STK33: variants seen among roughly 807,000 people sequenced by gnomAD.
STK33 encodes serine/threonine kinase 33.
A neutral mutation model predicts 58.0 loss-of-function variants in STK33; 52 were observed. The ratio of observed to expected loss-of-function variants is 0.90; its 90% CI spans 0.72 to 1.13. The LOEUF (loss-of-function observed/expected upper bound fraction) is 1.13. Ranked by LOEUF, STK33 falls within the 50% of genes most tolerant of loss-of-function variation. The pLI is 0.00. For synonymous variants in STK33, 215 were observed against 200.1 expected, an observed-to-expected ratio of 1.07 and a Z score of -0.63; for missense variants, 630 against 604.2, an observed-to-expected ratio of 1.04 and a Z score of -0.45.
chr11:8,567,331 G>A (rs1957520456), intron 1 of STK33: 1 of 151,962 alleles, frequency 6.6e-6, no homozygotes, highest in Non-Finnish European at 1.5e-5. Context: ...TACCACATGG[G>A]GTTATCATGA....
intron 1 of STK33, among the ~76,000 whole-genome samples, chr11:8,509,116 C>CAAAAAAAAAAAAACAAAAAAAAA (rs1952104771): frequency 2.2e-5 from 1 of 45,416 alleles, no homozygotes; most frequent in Non-Finnish European, 4.4e-5. Flanking sequence ...AACTCTGTCT[C>CAAAAAAAAAAAAACAAAAAAAAA]AAAAAAAAAA....
chr11:8,354,471 A>AT, the STK33 span, among the ~76,000 whole-genome samples: 2 of 61,192 alleles, frequency 3.3e-5, no homozygotes, highest in African/African-American at 1.6e-4. Context: ...AGTCTGCAAA[A>AT]CCTCACACAC....
chr11:8,572,116 G>A (rs1055159497), intron 1 of STK33, among the ~76,000 whole-genome samples: 6 of 151,126 alleles, frequency 4.0e-5, no homozygotes, highest in African/African-American at 1.5e-4. Context: ...GGGTGGGAGA[G>A]GAAGGAAAAC....
the STK33 span, among the ~76,000 whole-genome samples, chr11:8,350,451 G>C: frequency 1.3e-5 from 2 of 152,126 alleles, no homozygotes; most frequent in African/African-American, 4.8e-5. Flanking sequence ...GGATGCCCCC[G>C]CCCTGCCCCA....
intron 6 of STK33, chr11:8,465,193 T>C (rs538895455): frequency 6.5e-6 from 1 of 154,158 alleles, no homozygotes; most frequent in Non-Finnish European, 1.4e-5. Flanking sequence ...AGATATAAAA[T>C]ACATTCACCC....
chr11:8,411,963 G>A (rs1474075106), intron 15 of STK33, among the ~76,000 whole-genome samples: 3 of 152,130 alleles, frequency 2.0e-5, no homozygotes, highest in Admixed American at 6.6e-5. Context: ...TTGCAGGGGC[G>A]GCTGGAGGAG....
At chr11:8,423,534 C>A (rs1343867329) in intron 14 of STK33, among the ~76,000 whole-genome samples, 1 of 152,000 alleles carries the variant, frequency 6.6e-6, no homozygotes, top group Admixed American at 6.6e-5. Flanking sequence ...CAGGTATATG[C>A]AGATATTTAA....
At chr11:8,361,928 T>G in the STK33 span, among the ~76,000 whole-genome samples, 2 of 152,208 alleles carry the variant, frequency 1.3e-5, no homozygotes, top group East Asian at 3.9e-4. The surrounding 1 kb of genome is among the most constrained non-coding windows in gnomAD (Gnocchi z 4.8). Context: ...CATGCCTGCT[T>G]GGCCACTCTG....
chr11:8,470,241 C>T (rs958673067), intron 6 of STK33, among the ~76,000 whole-genome samples: 7 of 152,236 alleles, frequency 4.6e-5, no homozygotes, highest in African/African-American at 1.7e-4. Flanking sequence ...GCTTCTACAT[C>T]AGCACTTGCT....
At chr11:8,411,866 G>A (rs1940305093) in intron 15 of STK33, among the ~76,000 whole-genome samples, 1 of 152,128 alleles carries the variant, frequency 6.6e-6, no homozygotes, top group Non-Finnish European at 1.5e-5. Context: ...TATAGTTCTA[G>A]CATCCACAAA....
chr11:8,370,074 C>T, the STK33 span, among the ~76,000 whole-genome samples: 2 of 152,182 alleles, frequency 1.3e-5, no homozygotes, highest in Admixed American at 6.5e-5. Flanking sequence ...GGAGGAGACC[C>T]CGTCTGAGGG....
chr11:8,590,787 C>A (rs933510109), intron 1 of STK33, among the ~76,000 whole-genome samples: 1 of 152,074 alleles, frequency 6.6e-6, no homozygotes, highest in African/African-American at 2.4e-5. Context: ...TAAATCCAAA[C>A]AAAACACAGT....
intron 15 of STK33, among the ~76,000 whole-genome samples, chr11:8,405,676 T>C (rs1453154065): frequency 2.0e-5 from 3 of 152,218 alleles, no homozygotes; most frequent in Non-Finnish European, 2.9e-5. Flanking sequence ...CTAGGAGCTT[T>C]ACAGTTTCGC....
chr11:8,561,320 T>C (rs576613539), intron 1 of STK33, among the ~76,000 whole-genome samples: 1 of 152,292 alleles, frequency 6.6e-6, no homozygotes, highest in East Asian at 1.9e-4. Flanking sequence ...GTCACACTAT[T>C]CCCTGCCTAC....
chr11:8,388,831 G>A (rs1279968015), downstream of STK33, among the ~76,000 whole-genome samples: 1 of 152,168 alleles, frequency 6.6e-6, no homozygotes, highest in African/African-American at 2.4e-5. Flanking sequence ...ATCGGGCAAC[G>A]CTCCAGGTAT....
chr11:8,523,420 G>C (rs1235714296), intron 1 of STK33, among the ~76,000 whole-genome samples: 1 of 149,010 alleles, frequency 6.7e-6, no homozygotes, highest in Non-Finnish European at 1.5e-5. Flanking sequence ...CCGTCTGGGA[G>C]GTGAGGAGCG....
the STK33 span, among the ~76,000 whole-genome samples, chr11:8,369,457 G>C: frequency 1.1e-4 from 16 of 150,406 alleles, 1 homozygote; most frequent in African/African-American, 3.7e-4. Context: ...GGAGCTTCCA[G>C]AGAATGAGGA....
intron 15 of STK33, among the ~76,000 whole-genome samples, chr11:8,393,930 A>G (rs1272333863): frequency 6.6e-6 from 1 of 152,194 alleles, no homozygotes; most frequent in African/African-American, 2.4e-5. Context: ...CTTGCTGAAG[A>G]AAGCCTTTAA....
intron 1 of STK33, among the ~76,000 whole-genome samples, chr11:8,490,477 C>T (rs927720726): frequency 2.0e-5 from 3 of 152,184 alleles, no homozygotes; most frequent in African/African-American, 4.8e-5. Context: ...GTAGACTCCA[C>T]GTCTGGGGGC....
Sources: allele counts gnomAD v4.1 joint callset (sites outside exome capture counted in the v4.1 genomes callset), GRCh38; gene constraint gnomAD v4.1.1; non-coding constraint Gnocchi (gnomAD v3.1); transcripts MANE v1.5; gene names NCBI Gene and HGNC (gene_info 2026-07-23, HGNC 2026-07-21).